SLC25A16: variants seen among roughly 807,000 people sequenced by gnomAD.
SLC25A16 encodes mitochondrial coenzyme A transporter SLC25A16.
In SLC25A16, 39 loss-of-function variants were observed where a neutral mutation model predicts 41.5. The ratio of observed to expected loss-of-function variants is 0.94; its 90% CI spans 0.73 to 1.23. The LOEUF (loss-of-function observed/expected upper bound fraction) is 1.23, where lower values mean the gene tolerates loss of function less well. SLC25A16 is among the 50% of genes most tolerant of loss of function. The pLI is 0.00. For missense variants in SLC25A16, 421 were observed against 426.9 expected (o/e 0.99, Z 0.12); for synonymous variants, 146 against 147.8 (o/e 0.99, Z 0.09).
chr10:68,507,070 C>CT (rs71019019), intron 2 of SLC25A16, among the ~76,000 whole-genome samples: 1,259 of 115,546 alleles, frequency 0.011, 33 homozygotes, highest in African/African-American at 0.018. Context: ...ATGACCTACT[C>CT]TTTTTTTTTT....
intron 1 of SLC25A16, among the ~76,000 whole-genome samples, chr10:68,520,190 C>T (rs2053227473): frequency 6.6e-6 from 1 of 151,030 alleles, no homozygotes. Flanking sequence ...AACTCCTGAT[C>T]TCGTCATCCA....
At chr10:68,503,338 GTTGAGACTACTCC>G (rs2052890234) in intron 4 of SLC25A16, 1 of 238,914 alleles carries the variant, frequency 4.2e-6, no homozygotes, top group Non-Finnish European at 7.9e-6. Flanking sequence ...ATAGTTATAA[GTTGAGACTACTCC>G]TTATCCTCTA....
At chr10:68,510,453 A>G (rs2053042172) in intron 2 of SLC25A16, among the ~76,000 whole-genome samples, 1 of 151,914 alleles carries the variant, frequency 6.6e-6, no homozygotes, top group South Asian at 2.1e-4. Context: ...GAGGCAGGAG[A>G]ATTGCTTTAA....
intron 2 of SLC25A16, among the ~76,000 whole-genome samples, chr10:68,512,506 G>A (rs1309173859): frequency 1.6e-5 from 2 of 128,252 alleles, no homozygotes; most frequent in Admixed American, 1.7e-4. Flanking sequence ...GGGCGTAGTG[G>A]CGGGCGCCTG....
At chr10:68,498,347 G>A (rs1012436711) in intron 4 of SLC25A16, among the ~76,000 whole-genome samples, 1 of 147,192 alleles carries the variant, frequency 6.8e-6, no homozygotes, top group African/African-American at 2.5e-5. Flanking sequence ...TTGAGACAGA[G>A]TCTCATTCTG....
chr10:68,487,435 C>T (rs972827722), intron 7 of SLC25A16, among the ~76,000 whole-genome samples: 8 of 152,146 alleles, frequency 5.3e-5, no homozygotes, highest in East Asian at 3.8e-4. Context: ...CTCCCATCAC[C>T]GTAATATCAA....
Position 68,478,137 on chromosome 10 carries a change from G to T in SLC25A16, c.*5295C>A, listed in dbSNP as rs890465420. On this transcript the variant is annotated 3_prime_UTR_variant, in exon 9 of 9. Coordinates refer to ENST00000609923, the MANE Select transcript of SLC25A16 (RefSeq NM_152707.4). The stretch of plus-strand genomic sequence containing the variant: ...CTCTAGATTCAGACCGGCTGAATTT[G>T]AATCCTAGATCTGCCACTTACATGA... 3 of 152,124 alleles carry T rather than the reference G, an allele frequency of 2.0e-5. No homozygotes were observed. The highest frequency in any genetic ancestry group is 7.2e-5 in the African/African-American group (3 of 41,434). 9.4% of individuals were successfully genotyped at this position (152,124 alleles called of 1,614,324 possible). A position where few individuals can be genotyped will look rare whatever the true frequency, so the allele number is the denominator to read the frequency against.
chr10:68,488,806 T>C (rs534203411), intron 6 of SLC25A16, among the ~76,000 whole-genome samples, 177 bp from the exon 7 acceptor site: 4 of 152,286 alleles, frequency 2.6e-5, no homozygotes, highest in African/African-American at 7.2e-5. Flanking sequence ...AATAAAAAAT[T>C]ATAGCTTTGG....
chr10:68,483,070 TGTCA>T lies in SLC25A16; in HGVS notation c.*358_*361del, dbSNP rs1451038750. On this transcript the variant is annotated 3_prime_UTR_variant, in exon 9 of 9. Transcript: ENST00000609923. ...TGTTTATTTTAATAATAATAAACAC[TGTCA>T]GTCTTTTAAAAACCATGATAACAAT... is the stretch of plus-strand genomic sequence containing the variant. The T allele has an allele frequency of 6.3e-6, 1 of 158,316 alleles. No homozygotes were observed. The highest frequency in any genetic ancestry group is 2.4e-5 in the African/African-American group (1 of 41,696). 9.8% of individuals were successfully genotyped at this position (158,316 alleles called of 1,614,324 possible). A position where few individuals can be genotyped will look rare whatever the true frequency, so the allele number is the denominator to read the frequency against.
chr10:68,492,858 T>C (rs573426621), intron 6 of SLC25A16, among the ~76,000 whole-genome samples: 15 of 152,090 alleles, frequency 9.9e-5, no homozygotes, highest in African/African-American at 3.6e-4. Flanking sequence ...AACATGCTCA[T>C]AAAACCTAAA....
At chr10:68,510,567 G>A (rs557198238) in intron 2 of SLC25A16, among the ~76,000 whole-genome samples, 41 of 151,976 alleles carry the variant, frequency 2.7e-4, no homozygotes, top group African/African-American at 9.2e-4. Flanking sequence ...TGGGCCGGGC[G>A]CGGTGGCTTA....
At chr10:68,487,317 C>T in intron 7 of SLC25A16, 105 bp from the exon 8 acceptor site, 2 of 793,346 alleles carry the variant, frequency 2.5e-6, no homozygotes, top group Non-Finnish European at 4.3e-6. Flanking sequence ...TGTTACTGCT[C>T]TTATTGTTCT....
At chr10:68,494,586 A>G (rs1458388960) in intron 4 of SLC25A16, among the ~76,000 whole-genome samples, 2 of 148,738 alleles carry the variant, frequency 1.3e-5, no homozygotes, top group Non-Finnish European at 3.0e-5. Context: ...GTTTAATAGA[A>G]AATCACTGTG....
rs144747524 is a variant in SLC25A16 at position 68,516,758 on chromosome 10, C to T, written c.216G>A (p.Lys72=). Residue 72 remains lysine (K), a synonymous_variant, in exon 2 of 9, where the codon AAG becomes AAA. Coordinates refer to ENST00000609923, the MANE Select transcript of SLC25A16 (RefSeq NM_152707.4). ...VLLQAHNHHY[K]HLGVFSALRA... ...TAGCATCTATTAACTCACCTAAATG[C>T]TTGTAATGGTGATTGTGAGCTTGTA... 15 of 1,598,604 alleles carry T rather than the reference C, an allele frequency of 9.4e-6. No individual in the cohort carries two copies. In the African/African-American group the frequency reaches 2.0e-4, roughly 21 times the overall value.
intron 6 of SLC25A16, among the ~76,000 whole-genome samples, chr10:68,490,467 T>A (rs1355939324): frequency 2.0e-5 from 3 of 151,798 alleles, no homozygotes; most frequent in African/African-American, 4.8e-5. Context: ...CTCAGCCTCC[T>A]GAGTAGCTGG....
At chr10:68,521,278 C>CCTGT (rs1321073451) in intron 1 of SLC25A16, among the ~76,000 whole-genome samples, 1 of 152,076 alleles carries the variant, frequency 6.6e-6, no homozygotes, top group African/African-American at 2.4e-5. Context: ...GTGGTTAATG[C>CCTGT]CTGTAATCCC....
At chr10:68,495,232 G>A (rs1047398174) in intron 4 of SLC25A16, among the ~76,000 whole-genome samples, 5 of 151,964 alleles carry the variant, frequency 3.3e-5, no homozygotes, top group Admixed American at 1.3e-4. Context: ...CCAATATGGT[G>A]AAACCCCATC....
At chr10:68,498,557 G>A (rs904494547) in intron 4 of SLC25A16, among the ~76,000 whole-genome samples, 2 of 152,084 alleles carry the variant, frequency 1.3e-5, no homozygotes, top group East Asian at 3.8e-4. Context: ...TTAGCCAGGC[G>A]TGATGGCATG....
chr10:68,508,165 T>C (rs1289364729), intron 2 of SLC25A16, among the ~76,000 whole-genome samples: 1 of 151,938 alleles, frequency 6.6e-6, no homozygotes, highest in Non-Finnish European at 1.5e-5. Flanking sequence ...TGAGCCGAGA[T>C]TGCACCACTA....
Sources: gnomAD v4.1 joint callset for allele counts (sites outside exome capture counted in the v4.1 genomes callset) on GRCh38, gnomAD v4.1.1 for gene constraint, MANE v1.5 for transcripts, NCBI Gene and HGNC (gene_info 2026-07-23, HGNC 2026-07-21) for gene names.